The following ACER2 variants were observed in gnomAD, a reference collection of about 807,000 sequenced individuals.
ACER2 encodes the protein alkCDase 2.
Under a neutral mutation model 34.7 loss-of-function variants are expected in ACER2, and 26 were observed. The ratio of observed to expected loss-of-function variants is 0.75; its 90% CI spans 0.55 to 1.04. The LOEUF (loss-of-function observed/expected upper bound fraction) is 1.04. Ranked by LOEUF, ACER2 falls within the 50% of genes least tolerant of loss-of-function variation. The pLI is 0.00. For missense variants in ACER2, 352 were observed against 340.8 expected (o/e 1.03, Z -0.26); for synonymous variants, 138 against 132.1 (o/e 1.04, Z -0.31).
chr9:19,416,126 C>T (rs1830234029), intron 1 of ACER2, among the ~76,000 whole-genome samples: 1 of 151,264 alleles, frequency 6.6e-6, no homozygotes, highest in African/African-American at 2.4e-5. Context: ...TTTAAGTTAC[C>T]TATGGTATAA....
chr9:19,436,755 A>G (rs953835070), intron 4 of ACER2, among the ~76,000 whole-genome samples: 2 of 152,188 alleles, frequency 1.3e-5, no homozygotes, highest in African/African-American at 4.8e-5. Context: ...GTTTTTGACC[A>G]TTTAGGTTGT....
intron 1 of ACER2, among the ~76,000 whole-genome samples, chr9:19,410,872 A>G (rs1830067665): frequency 6.6e-6 from 1 of 152,226 alleles, no homozygotes; most frequent in Admixed American, 6.5e-5. Flanking sequence ...ACCAGTGGTA[A>G]CACAAGCTGT....
At chr9:19,439,344 C>CTTTTTTTT (rs55690063) in intron 4 of ACER2, among the ~76,000 whole-genome samples, 1 of 138,756 alleles carries the variant, frequency 7.2e-6, no homozygotes. Context: ...AAGGGGCTTG[C>CTTTTTTTT]TTTTTTTTTT....
chr9:19,413,140 C>A (rs954864254), intron 1 of ACER2, among the ~76,000 whole-genome samples: 1 of 152,230 alleles, frequency 6.6e-6, no homozygotes, highest in Non-Finnish European at 1.5e-5. Flanking sequence ...TTGGCCTCTG[C>A]AAATTTCTGT....
intron 4 of ACER2, among the ~76,000 whole-genome samples, chr9:19,439,475 G>T (rs936900917): frequency 6.6e-6 from 1 of 151,892 alleles, no homozygotes; most frequent in Non-Finnish European, 1.5e-5. Context: ...CAGTAGAGTA[G>T]TTGGGATTAC....
At position 19,409,162 on chromosome 9, in the gene ACER2, C is replaced by G. The variant is rs142611269; in HGVS notation, c.78C>G (p.Ile26Met). Residue 26 changes from isoleucine to methionine, a missense_variant, in exon 1 of 6, where the codon ATC (isoleucine) becomes ATG (methionine). Coordinates refer to ENST00000340967, the MANE Select transcript of ACER2 (RefSeq NM_001010887.3). ...EVDWCEDNYT[I>M]VPAIAEFYNT... ...ACTGGTGCGAGGACAACTACACCAT[C>G]GTGCCTGCTATCGCCGAGTTCTACA... 11 of 1,604,742 alleles carry G rather than the reference C, an allele frequency of 6.9e-6. No individual in the cohort carries two copies. The highest frequency in any genetic ancestry group is 8.5e-6 in the Non-Finnish European group (10 of 1,176,212).
In ACER2 at chr9:19,452,482, T is replaced by C. The variant is rs1402574466; in HGVS notation, c.*1846T>C. On this transcript the variant is annotated 3_prime_UTR_variant, in exon 6 of 6. Transcript: ENST00000340967. ...CCCAGTGTGTGAAGTAAATTGTATG[T>C]TATTAAATTTATTTAAGGTTAAATT... 6.6e-6 allele frequency among the ~76,000 whole-genome samples: 1 copy of C among 152,218 alleles called. No individual in the cohort carries two copies. The highest frequency in any genetic ancestry group is 6.5e-5 in the Admixed American group (1 of 15,286).
intron 4 of ACER2, among the ~76,000 whole-genome samples, chr9:19,443,081 AGTGCAG>A (rs1831211552): frequency 6.6e-6 from 1 of 151,968 alleles, no homozygotes; most frequent in African/African-American, 2.4e-5. Context: ...CCCAGGCTGG[AGTGCAG>A]TGGCGCGATC....
chr9:19,409,474 G>A (rs184536773), intron 1 of ACER2, among the ~76,000 whole-genome samples: 307 of 152,304 alleles, frequency 2.0e-3, no homozygotes, highest in Non-Finnish European at 3.3e-3. Context: ...CCAGGAACCA[G>A]GGGTCTGTGT....
At chr9:19,428,297 C>T (rs941772277) in intron 3 of ACER2, among the ~76,000 whole-genome samples, 8 of 151,308 alleles carry the variant, frequency 5.3e-5, no homozygotes, top group Admixed American at 6.6e-5. Context: ...CCTCCCGAGT[C>T]GCTGGGATTC....
At chr9:19,444,134 A>G (rs1016230011) in intron 4 of ACER2, among the ~76,000 whole-genome samples, 5 of 145,782 alleles carry the variant, frequency 3.4e-5, no homozygotes, top group Non-Finnish European at 6.0e-5. Flanking sequence ...CAAAAAATAC[A>G]CTAATGATAG....
At chr9:19,411,721 C>T (rs575158063) in intron 1 of ACER2, among the ~76,000 whole-genome samples, 1 of 152,216 alleles carries the variant, frequency 6.6e-6, no homozygotes, top group South Asian at 2.1e-4. Flanking sequence ...TAATCATTAC[C>T]AGTTTTGAGA....
intron 3 of ACER2, among the ~76,000 whole-genome samples, chr9:19,433,810 G>A (rs1272788447): frequency 5.8e-4 from 87 of 150,872 alleles, no homozygotes; most frequent in African/African-American, 1.9e-3. Context: ...CTTCCCGGAC[G>A]GGGCGGCTGG....
chr9:19,429,979 A>G (rs1830698730), intron 3 of ACER2, among the ~76,000 whole-genome samples: 1 of 152,152 alleles, frequency 6.6e-6, no homozygotes, highest in African/African-American at 2.4e-5. Context: ...TGAGACATTT[A>G]TAAAGCTTGT....
In ACER2 at chr9:19,430,684, G is replaced by A. The variant is rs948004183; in HGVS notation, c.366-4263G>A. On this transcript the variant is annotated intron_variant, in intron 3 of 5. Coordinates refer to ENST00000340967, the MANE Select transcript of ACER2 (RefSeq NM_001010887.3). Reference sequence around the variant, plus strand: ...AAGAAAGCATGTTTTGCAGCTGGGTGCAGTAGCTCATGCCTGTAATCTCAG... The same window carrying A: ...AAGAAAGCATGTTTTGCAGCTGGGTACAGTAGCTCATGCCTGTAATCTCAG... 9.9e-5 allele frequency among the ~76,000 whole-genome samples: 15 copies of A among 152,178 alleles called. No homozygotes were observed. In the East Asian group the frequency reaches 2.3e-3, roughly 23 times the overall value.
intron 1 of ACER2, among the ~76,000 whole-genome samples, chr9:19,415,644 G>A (rs1334746358): frequency 1.3e-5 from 2 of 152,162 alleles, no homozygotes; most frequent in Non-Finnish European, 2.9e-5. Context: ...AGTGATTAGT[G>A]TGTCCATTGC....
intron 1 of ACER2, among the ~76,000 whole-genome samples, chr9:19,417,385 A>G (rs992751305): frequency 2.0e-4 from 30 of 152,338 alleles, no homozygotes; most frequent in African/African-American, 7.2e-4. Flanking sequence ...TTTAAATTTC[A>G]TATGGAAACA....
At chr9:19,409,799 T>G in intron 1 of ACER2, 1 of 985,356 alleles carries the variant, frequency 1.0e-6, no homozygotes, top group Non-Finnish European at 1.2e-6. Context: ...AAGCCGCTAA[T>G]TCAACTCCCC....
At chr9:19,434,116 G>A (rs1297564819) in intron 3 of ACER2, among the ~76,000 whole-genome samples, 5 of 139,748 alleles carry the variant, frequency 3.6e-5, no homozygotes, top group Non-Finnish European at 4.7e-5. Context: ...GGGCAGAGGC[G>A]CTCCTCACAT....
Sources: allele counts gnomAD v4.1 joint callset (sites outside exome capture counted in the v4.1 genomes callset), GRCh38; gene constraint gnomAD v4.1.1; transcripts MANE v1.5; gene names NCBI Gene and HGNC (gene_info 2026-07-23, HGNC 2026-07-21).